ZNF385B: variants seen among roughly 807,000 people sequenced by gnomAD.
ZNF385B encodes zinc finger protein 533.
Under a neutral mutation model 39.2 loss-of-function variants are expected in ZNF385B, and 23 were observed. The ratio of observed to expected loss-of-function variants is 0.59; its 90% CI spans 0.42 to 0.83. The LOEUF is 0.83. Ranked by LOEUF, ZNF385B falls within the 40% of genes least tolerant of loss-of-function variation. ZNF385B has a pLI of 0.00. For missense variants in ZNF385B, 552 were observed against 598.9 expected (o/e 0.92, Z 0.82); for synonymous variants, 205 against 222.6 (o/e 0.92, Z 0.70).
intron 3 of ZNF385B, 47 bp downstream of exon 3, chr2:179,769,456 G>C: frequency 6.2e-7 from 1 of 1,605,484 alleles, no homozygotes; most frequent in Non-Finnish European, 8.5e-7. Context: ...TCCAGACCAG[G>C]ACCATCTCTC....
At chr2:179,592,861 A>G (rs953001649) in intron 3 of ZNF385B, among the ~76,000 whole-genome samples, 1 of 152,134 alleles carries the variant, frequency 6.6e-6, no homozygotes, top group Admixed American at 6.6e-5. Context: ...AGCAGGCCCC[A>G]ATGGATTCTC....
At chr2:179,445,025 C>T (rs1395438372) in intron 8 of ZNF385B, 48 bp from the exon 9 acceptor site, 1 of 1,520,232 alleles carries the variant, frequency 6.6e-7, no homozygotes, top group African/African-American at 1.4e-5. Context: ...AGTCTTATTC[C>T]ATGTAAAACG....
At chr2:179,757,448 C>T (rs1703110851) in intron 3 of ZNF385B, among the ~76,000 whole-genome samples, 1 of 152,194 alleles carries the variant, frequency 6.6e-6, no homozygotes, top group Admixed American at 6.5e-5. Context: ...GTTCTCAGGT[C>T]TCAAACTCCA....
At chr2:179,484,337 ACT>A (rs1009907988) in intron 5 of ZNF385B, among the ~76,000 whole-genome samples, 2 of 152,036 alleles carry the variant, frequency 1.3e-5, no homozygotes, top group African/African-American at 4.8e-5. Flanking sequence ...TTTTGAAAAG[ACT>A]CTGAAAAAAC....
chr2:179,719,000 C>T (rs1180801034), intron 3 of ZNF385B, among the ~76,000 whole-genome samples: 13 of 151,470 alleles, frequency 8.6e-5, no homozygotes, highest in African/African-American at 2.7e-4. Flanking sequence ...TATAATCTAC[C>T]TGATCTTCCT....
chr2:179,560,704 C>T (rs886883694), intron 3 of ZNF385B, among the ~76,000 whole-genome samples: 5 of 152,140 alleles, frequency 3.3e-5, no homozygotes, highest in African/African-American at 4.8e-5. Context: ...TGTACATTTG[C>T]GTACCTGTCT....
chr2:179,716,678 A>C (rs1335668565), intron 3 of ZNF385B, among the ~76,000 whole-genome samples: 1 of 152,214 alleles, frequency 6.6e-6, no homozygotes, highest in African/African-American at 2.4e-5. Flanking sequence ...TTTAACCAAC[A>C]GAATGTGGTA....
intron 3 of ZNF385B, among the ~76,000 whole-genome samples, chr2:179,608,244 T>G (rs1221357848): frequency 6.6e-6 from 1 of 152,152 alleles, no homozygotes; most frequent in Non-Finnish European, 1.5e-5. Flanking sequence ...CTCCCTTCTT[T>G]TTCTTTTTCT....
intron 3 of ZNF385B, among the ~76,000 whole-genome samples, chr2:179,645,701 C>T (rs1692660627): frequency 1.3e-5 from 2 of 152,156 alleles, no homozygotes; most frequent in Non-Finnish European, 2.9e-5. Flanking sequence ...GTACCCCTTC[C>T]TCTGTGGGGC....
rs2049143715 is a variant in ZNF385B, at chr2:179,443,388, G to A, written c.1323C>T (p.Ala441=). 2 of 1,611,180 alleles carry A rather than the reference G, an allele frequency of 1.2e-6. No homozygotes were observed. The highest frequency in any genetic ancestry group is 1.3e-5 in the African/African-American group (1 of 74,858). Residue 441 remains alanine (A), a synonymous_variant, in exon 10 of 10, where the codon GCC becomes GCT. Transcript: ENST00000410066. ...FLSSPLAAAA[A]VSSALSLPPR... is the part of the protein sequence containing the mutation. The stretch of plus-strand genomic sequence containing the variant: ...GTGGGAGTGACAGCGCTGAGGACAC[G>A]GCTGCCGCCGCTGCGAGAGGTGAGG...
chr2:179,724,695 T>C (rs1308236846), intron 3 of ZNF385B, among the ~76,000 whole-genome samples: 1 of 152,176 alleles, frequency 6.6e-6, no homozygotes, highest in Non-Finnish European at 1.5e-5. Flanking sequence ...GAAGCTAAGG[T>C]GATACTTTGC....
intron 3 of ZNF385B, among the ~76,000 whole-genome samples, chr2:179,581,059 T>TA (rs1686451015): frequency 6.6e-6 from 1 of 152,142 alleles, no homozygotes. Context: ...AGGAAATAAT[T>TA]AAACCAAACC....
At chr2:179,643,289 C>G (rs1331243399) in intron 3 of ZNF385B, among the ~76,000 whole-genome samples, 2 of 152,094 alleles carry the variant, frequency 1.3e-5, no homozygotes, top group Non-Finnish European at 2.9e-5. Flanking sequence ...AATGTATCAA[C>G]ATTTAGATGA....
chr2:179,817,248 A>C lies in ZNF385B; in HGVS notation c.-155+43853T>G, dbSNP rs181481397. Among the ~76,000 whole-genome samples, 439 of 152,332 alleles carry C rather than the reference A, an allele frequency of 2.9e-3. 3 individuals are homozygous for C. Among genetic ancestry groups the C allele is most frequent in the African/African-American group, 9.8e-3 (409 of 41,580 alleles). ...GTAACTGAAAGTAGCACAAAGTGAC[A>C]TAAGAACATTGATCTACAATTTGGC... is the stretch of plus-strand genomic sequence containing the variant. On this transcript the variant is annotated intron_variant, in intron 1 of 9. Coordinates refer to ENST00000410066, the MANE Select transcript of ZNF385B (RefSeq NM_152520.6).
At chr2:179,793,025 T>C (rs958498319) in intron 1 of ZNF385B, among the ~76,000 whole-genome samples, 1 of 152,196 alleles carries the variant, frequency 6.6e-6, no homozygotes, top group Non-Finnish European at 1.5e-5. Flanking sequence ...TGAGAAACTT[T>C]GAGGAAAAGC....
At chr2:179,522,354 T>G (rs555620977) in intron 4 of ZNF385B, among the ~76,000 whole-genome samples, 125 of 152,320 alleles carry the variant, frequency 8.2e-4, no homozygotes, top group Admixed American at 2.3e-3. Context: ...CCTTTGCTAG[T>G]GCATTACTAG....
intron 3 of ZNF385B, among the ~76,000 whole-genome samples, chr2:179,655,572 G>GA (rs941459261): frequency 6.6e-6 from 1 of 151,550 alleles, no homozygotes; most frequent in African/African-American, 2.4e-5. Context: ...GTACTTGGAG[G>GA]AAAAAAACAG....
chr2:179,806,941 T>C (rs1019140667), intron 1 of ZNF385B, among the ~76,000 whole-genome samples: 6 of 152,164 alleles, frequency 3.9e-5, no homozygotes, highest in African/African-American at 1.4e-4. Context: ...ATGAATACTA[T>C]GAGGATGTAG....
rs34677912 is a variant in ZNF385B at position 179,537,303 on chromosome 2, C to CA, written c.441+7523dup. On this transcript the variant is annotated intron_variant, in intron 4 of 9. Transcript: ENST00000410066. Reference sequence around the variant, plus strand: ...GGCAACATGAGCAAAACCTCTGTCTCAAAAAAAAAAAAATAAATAAAAAAA... The same window carrying CA: ...GGCAACATGAGCAAAACCTCTGTCTCAAAAAAAAAAAAAATAAATAAAAAAA... Among the ~76,000 whole-genome samples the CA allele has an allele frequency of 8.8e-3, 917 of 103,668 alleles. 7 individuals are homozygous for CA. Among genetic ancestry groups the CA allele is most frequent in the African/African-American group, 0.017 (397 of 23,620 alleles). The allele number at this position is 103,668 out of a possible 152,430, so 68.0% of individuals were successfully genotyped here. A position where few individuals can be genotyped will look rare whatever the true frequency, so the allele number is the denominator to read the frequency against.
Sources: allele counts gnomAD v4.1 joint callset (sites outside exome capture counted in the v4.1 genomes callset), GRCh38; gene constraint gnomAD v4.1.1; transcripts MANE v1.5; gene names NCBI Gene and HGNC (gene_info 2026-07-23, HGNC 2026-07-21).